Variants in TBCD observed in about 807,000 individuals in gnomAD.
TBCD encodes the protein tubulin folding cofactor D.
A neutral mutation model predicts 169.3 loss-of-function variants in TBCD; 105 were observed. That is an observed-to-expected ratio of 0.62 (90% CI 0.53 to 0.73). TBCD has a LOEUF of 0.73. Ranked by LOEUF, TBCD falls within the 30% of genes least tolerant of loss-of-function variation. The pLI is 0.00. For synonymous variants in TBCD, 700 were observed against 643.9 expected, an observed-to-expected ratio of 1.09 and a Z score of -1.32; for missense variants, 1,444 against 1,600.1, an observed-to-expected ratio of 0.90 and a Z score of 1.66.
chr17:82,753,447 CTTTTTTTTTTT>C (rs59839519), intron 1 of TBCD, among the ~76,000 whole-genome samples: 3 of 104,294 alleles, frequency 2.9e-5, no homozygotes, highest in African/African-American at 7.8e-5. Context: ...TGGCTTCTTC[CTTTTTTTTTTT>C]TTTTTTTTTT....
intron 27 of TBCD, among the ~76,000 whole-genome samples, chr17:82,925,411 T>C (rs1174893926): frequency 6.6e-6 from 1 of 152,190 alleles, no homozygotes; most frequent in East Asian, 1.9e-4. Flanking sequence ...CCGTGCATCC[T>C]GCATCCAGGT....
chr17:82,851,258 G>T (rs191146684), intron 13 of TBCD, among the ~76,000 whole-genome samples: 1 of 484 alleles, frequency 2.1e-3, no homozygotes, highest in African/African-American at 2.2e-3. Context: ...GTCTCAGGAG[G>T]TTTTAAAATA....
At chr17:82,815,086 C>T (rs772888607) in intron 13 of TBCD, among the ~76,000 whole-genome samples, 152 bp downstream of exon 13, 24 of 152,184 alleles carry the variant, frequency 1.6e-4, no homozygotes, top group Non-Finnish European at 2.5e-4. Context: ...TGCAGCCCTT[C>T]GTCTGAACCC....
At position 82,832,181 on chromosome 17, in the gene TBCD, C is replaced by T. The variant is rs377414981; in HGVS notation, c.1318+17247C>T. On this transcript the variant is annotated intron_variant, in intron 13 of 38. Transcript: ENST00000355528. This position sits in a 1 kb window ranked among gnomAD's most constrained non-coding sequence, Gnocchi z 4.9. ...GAGTCGAAGGCAGAGAGTCCATTTG[C>T]GACAGACTTGGAAGAGGCTGGCTTC... is the stretch of plus-strand genomic sequence containing the variant. 54 of 1,614,096 alleles carry T rather than the reference C, an allele frequency of 3.3e-5. No individual in the cohort carries two copies. The highest frequency in any genetic ancestry group is 1.6e-4 in the Middle Eastern group (1 of 6,084).
chr17:82,869,655 C>A (rs1480094107), intron 13 of TBCD, among the ~76,000 whole-genome samples: 4 of 152,240 alleles, frequency 2.6e-5, no homozygotes, highest in African/African-American at 9.6e-5. Context: ...AGGAGCCCTG[C>A]ATGGGTTATT....
intron 13 of TBCD, among the ~76,000 whole-genome samples, chr17:82,822,497 G>A (rs1359899494): frequency 2.0e-5 from 3 of 152,202 alleles, no homozygotes; most frequent in East Asian, 1.9e-4. Context: ...GCTCGCACGA[G>A]CTGGGACAGC....
chr17:82,866,225 G>A (rs914072715), intron 13 of TBCD, among the ~76,000 whole-genome samples: 10 of 152,142 alleles, frequency 6.6e-5, no homozygotes, highest in African/African-American at 2.2e-4. Flanking sequence ...TCAGGGTCCC[G>A]AGATGTCAGA....
At chr17:82,894,128 T>C (rs1290453237) in intron 17 of TBCD, among the ~76,000 whole-genome samples, 1 of 152,258 alleles carries the variant, frequency 6.6e-6, no homozygotes, top group African/African-American at 2.4e-5. Flanking sequence ...GTTGAAGTTA[T>C]CTGTAGATTG....
At position 82,884,077 on chromosome 17, in the gene TBCD, A is replaced by G. The variant is rs539089557; in HGVS notation, c.1476-68A>G. ...TGAGTCGTGAGAGAAAGGCTTTCTC[A>G]TCGATACTGTGTGGTCTGTACTGTT... On this transcript the variant is annotated intron_variant, in intron 14 of 38. Transcript: ENST00000355528. This position sits in a 1 kb window ranked among gnomAD's most constrained non-coding sequence, Gnocchi z 4.2. 130 of 1,462,610 alleles carry G rather than the reference A, an allele frequency of 8.9e-5. 1 individual carries two copies. In the South Asian group the frequency reaches 1.5e-3, roughly 16 times the overall value. 90.6% of individuals were successfully genotyped at this position (1,462,610 alleles called of 1,614,324 possible). A position where few individuals can be genotyped will look rare whatever the true frequency, so the allele number is the denominator to read the frequency against.
chr17:82,886,484 G>A (rs1250252315), intron 15 of TBCD, among the ~76,000 whole-genome samples: 1 of 150,896 alleles, frequency 6.6e-6, no homozygotes, highest in African/African-American at 2.5e-5. Context: ...ATGGGGCCCC[G>A]TTCACTCACA....
chr17:82,875,097 A>G (rs2057873690), intron 14 of TBCD, among the ~76,000 whole-genome samples: 1 of 152,200 alleles, frequency 6.6e-6, no homozygotes, highest in Admixed American at 6.5e-5. Context: ...GCTTTTTGCT[A>G]AAGAAACTTG....
intron 23 of TBCD, among the ~76,000 whole-genome samples, chr17:82,917,126 T>C (rs1416280284): frequency 6.7e-6 from 1 of 149,926 alleles, no homozygotes; most frequent in Admixed American, 6.8e-5. Context: ...ATTAAGCGAT[T>C]TTCCTGCTTC....
At chr17:82,911,198 C>T (rs535829536) in intron 22 of TBCD, among the ~76,000 whole-genome samples, 1 of 152,324 alleles carries the variant, frequency 6.6e-6, no homozygotes, top group African/African-American at 2.4e-5. Flanking sequence ...CAGTTTTCTA[C>T]TTGCAGGAGG....
Position 82,930,757 on chromosome 17 carries a change from G to A in TBCD, c.3113+114G>A, listed in dbSNP as rs1185913904. 3.3e-6 allele frequency: 5 copies of A among 1,494,448 alleles called. No homozygotes were observed. The highest frequency in any genetic ancestry group is 1.2e-5 in the South Asian group (1 of 80,154). The allele number at this position is 1,494,448 out of a possible 1,614,324, so 92.6% of individuals were successfully genotyped here. ...CTGTCTGGGGTCTGAAGGGAGAAGC[G>A]AGACACACGCTGTACCAGTTGGTGG... On this transcript the variant is annotated intron_variant, in intron 33 of 38. Coordinates refer to ENST00000355528, the MANE Select transcript of TBCD (RefSeq NM_005993.5). The surrounding 1 kb of genome is among the most constrained non-coding windows in gnomAD (Gnocchi z 5.2).
At position 82,830,242 on chromosome 17, in the gene TBCD, C is replaced by T. The variant is rs772166532; in HGVS notation, c.1318+15308C>T. 1.9e-6 allele frequency: 3 copies of T among 1,614,260 alleles called. No homozygotes were observed. The highest frequency in any genetic ancestry group is 1.3e-5 in the African/African-American group (1 of 75,068). ...CTGGGATTTTCCAGCATCCCTTAGA[C>T]TTGTCCTCTTTTGTCCTTTGGGTCT... is the stretch of plus-strand genomic sequence containing the variant. On this transcript the variant is annotated intron_variant, in intron 13 of 38. Transcript: ENST00000355528.
intron 14 of TBCD, chr17:82,876,998 AT>A: frequency 1.0e-6 from 1 of 984,902 alleles, no homozygotes; most frequent in Non-Finnish European, 1.2e-6. Context: ...ATGGTAGATG[AT>A]TTTAAGTTTC....
Position 82,870,251 on chromosome 17 carries a change from C to G in TBCD, c.1346C>G (p.Thr449Ser), listed in dbSNP as rs1341403012. 6.2e-7 allele frequency: 1 copy of G among 1,613,356 alleles called. No individual in the cohort carries two copies. The highest frequency in any genetic ancestry group is 1.1e-5 in the South Asian group (1 of 91,082). Residue 449 changes from threonine (T) to serine (S), a missense_variant, in exon 14 of 39, where the codon ACC becomes AGC. Coordinates refer to ENST00000355528, the MANE Select transcript of TBCD (RefSeq NM_005993.5). ...GTCGCCGTGATCCTGAAGGCGCTGACCTACGACGAGAAGCGGGGTGCCTGC... is the reference window on the plus strand; with the variant it reads ...GTCGCCGTGATCCTGAAGGCGCTGAGCTACGACGAGAAGCGGGGTGCCTGC... ...DVVAVILKAL[T>S]YDEKRGACSV...
intron 30 of TBCD, among the ~76,000 whole-genome samples, chr17:82,928,646 G>A (rs2061954996): frequency 6.6e-6 from 1 of 152,100 alleles, no homozygotes; most frequent in African/African-American, 2.4e-5. Flanking sequence ...CTCTGTCAGG[G>A]ACACTCGGCC....
chr17:82,925,861 T>G (rs557270797), intron 27 of TBCD, among the ~76,000 whole-genome samples: 1 of 152,158 alleles, frequency 6.6e-6, no homozygotes, highest in South Asian at 2.1e-4. Flanking sequence ...GGACCTCAGG[T>G]AGGGTGTGGC....
Sources: gnomAD v4.1 joint callset for allele counts (sites outside exome capture counted in the v4.1 genomes callset) on GRCh38, gnomAD v4.1.1 for gene constraint, Gnocchi (gnomAD v3.1) non-coding constraint, MANE v1.5 for transcripts, NCBI Gene and HGNC (gene_info 2026-07-23, HGNC 2026-07-21) for gene names.